Variants in LMBRD1 observed in about 807,000 individuals in gnomAD.
LMBRD1 encodes the protein LMBR1 domain containing 1, also known as lysosomal cobalamin transport escort protein LMBD1.
Under a neutral mutation model 74.8 loss-of-function variants are expected in LMBRD1, and 64 were observed. That is an observed-to-expected ratio of 0.86 (90% CI 0.70 to 1.05). The LOEUF (loss-of-function observed/expected upper bound fraction) is 1.05. LMBRD1 is among the 50% of genes least tolerant of loss of function. LMBRD1 has a pLI of 0.00. For synonymous variants in LMBRD1, 204 were observed against 216.3 expected, an observed-to-expected ratio of 0.94 and a Z score of 0.50; for missense variants, 652 against 645.9, an observed-to-expected ratio of 1.01 and a Z score of -0.10.
chr6:69,747,431 C>G (rs75919065), intron 5 of LMBRD1, among the ~76,000 whole-genome samples: 1 of 152,170 alleles, frequency 6.6e-6, no homozygotes, highest in African/African-American at 2.4e-5. Flanking sequence ...TTTAAGCCAC[C>G]CAGTCTATGA....
intron 15 of LMBRD1, 25 bp from the exon 16 acceptor site, chr6:69,676,296 T>C: frequency 6.2e-7 from 1 of 1,607,236 alleles, no homozygotes; most frequent in South Asian, 1.1e-5. Flanking sequence ...AAGCCATGTG[T>C]TATTTTTCAA....
At chr6:69,691,794 T>C (rs887838646) in intron 14 of LMBRD1, among the ~76,000 whole-genome samples, 1 of 144,434 alleles carries the variant, frequency 6.9e-6, no homozygotes. Context: ...GAGAATGGCA[T>C]GAACCCGGGA....
At chr6:69,719,426 C>T (rs1271232997) in intron 7 of LMBRD1, among the ~76,000 whole-genome samples, 1 of 151,880 alleles carries the variant, frequency 6.6e-6, no homozygotes, top group Non-Finnish European at 1.5e-5. Flanking sequence ...AAATGATTTT[C>T]TATAAAAAAC....
In LMBRD1 at chr6:69,765,977, G is replaced by A. The variant is rs572551596; in HGVS notation, c.308-13621C>T. Reference sequence around the variant, plus strand: ...ATTCTGCTAACATTACTCACTGGTTGTATTTGTCCATATATAGGTTCCCTG... The same window carrying A: ...ATTCTGCTAACATTACTCACTGGTTATATTTGTCCATATATAGGTTCCCTG... On this transcript the variant is annotated intron_variant, in intron 3 of 15. Transcript: ENST00000649934. Among the ~76,000 whole-genome samples the A allele has an allele frequency of 4.6e-5, 7 of 151,952 alleles. No homozygotes were observed. The South Asian group carries it at 1.5e-3, about 32-fold the overall frequency.
At chr6:69,682,712 A>G (rs1340204578) in intron 14 of LMBRD1, among the ~76,000 whole-genome samples, 1 of 152,064 alleles carries the variant, frequency 6.6e-6, no homozygotes, top group Non-Finnish European at 1.5e-5. Context: ...TTTTGATAAA[A>G]TAAAAGTAGT....
chr6:69,741,477 C>A (rs1042729475), intron 6 of LMBRD1, among the ~76,000 whole-genome samples: 1 of 152,140 alleles, frequency 6.6e-6, no homozygotes, highest in Admixed American at 6.5e-5. Context: ...CCTCCACCTC[C>A]CAGGTTCAAC....
At chr6:69,740,168 C>T (rs946272161) in intron 6 of LMBRD1, among the ~76,000 whole-genome samples, 3 of 151,976 alleles carry the variant, frequency 2.0e-5, no homozygotes, top group Non-Finnish European at 4.4e-5. Flanking sequence ...AAATGCAATG[C>T]AAGGAGGTGG....
rs780476624 is a variant in LMBRD1, at chr6:69,713,685, C to T, written c.875G>A (p.Ser292Asn). ...RERHLEFIEN[S>N]WWTKFCGALR... Reference sequence around the variant, plus strand: ...AGCGCCACAAAATTTTGTCCACCAGCTGTTTTCAATGAATTCTAAATGCCT... The same window carrying T: ...AGCGCCACAAAATTTTGTCCACCAGTTGTTTTCAATGAATTCTAAATGCCT... Residue 292 changes from serine to asparagine, a missense_variant, in exon 9 of 16, where the codon AGC becomes AAC. Physicochemically the swap from Ser to Asn is conservative, Grantham distance 46. Around this residue, in one of 3 missense-constraint regions of LMBRD1, gnomAD observed 598 missense variants for 581.8 expected, o/e 1.03. Transcript: ENST00000649934. 4.3e-6 allele frequency: 7 copies of T among 1,613,676 alleles called. No individual in the cohort carries two copies. The highest frequency in any genetic ancestry group is 5.9e-6 in the Non-Finnish European group (7 of 1,179,702).
intron 3 of LMBRD1, among the ~76,000 whole-genome samples, chr6:69,779,882 C>A (rs1335758692): frequency 6.6e-6 from 1 of 152,112 alleles, no homozygotes; most frequent in African/African-American, 2.4e-5. Context: ...GAGAGGAAAA[C>A]GGTCCTTAGG....
chr6:69,791,198 T>C (rs890065300), intron 1 of LMBRD1, among the ~76,000 whole-genome samples: 1 of 152,352 alleles, frequency 6.6e-6, no homozygotes, highest in Middle Eastern at 3.4e-3. Flanking sequence ...TCGGAATCAC[T>C]TGGAGGAACT....
At chr6:69,744,951 T>C (rs1378382194) in intron 5 of LMBRD1, among the ~76,000 whole-genome samples, 1 of 152,030 alleles carries the variant, frequency 6.6e-6, no homozygotes, top group Non-Finnish European at 1.5e-5. Flanking sequence ...CAAGCCGTTC[T>C]CCTGCCTCAG....
rs376359817 is a variant in LMBRD1 at position 69,701,959 on chromosome 6, A to C, written c.916-6T>G. 1 of 1,552,112 alleles carries C rather than the reference A, an allele frequency of 6.4e-7. No homozygotes were observed. The highest frequency in any genetic ancestry group is 8.9e-7 in the Non-Finnish European group (1 of 1,124,672). On this transcript the variant is annotated splice_region_variant and splice_polypyrimidine_tract_variant and intron_variant, in intron 9 of 15. Coordinates refer to ENST00000649934, the MANE Select transcript of LMBRD1 (RefSeq NM_018368.4). The stretch of plus-strand genomic sequence containing the variant: ...AAAAATATTCCCCAGACGATCTAAA[A>C]GCAAAAATATATTCATTAAAATATA...
chr6:69,716,805 C>T (rs557815862), intron 8 of LMBRD1, among the ~76,000 whole-genome samples: 13 of 151,640 alleles, frequency 8.6e-5, no homozygotes, highest in African/African-American at 2.9e-4. Context: ...TGGGTACAAA[C>T]ATATACATAC....
chr6:69,714,168 A>C (rs972866272), intron 8 of LMBRD1, among the ~76,000 whole-genome samples: 2 of 151,970 alleles, frequency 1.3e-5, no homozygotes, highest in Non-Finnish European at 2.9e-5. Flanking sequence ...CACTTATTTC[A>C]ATATATTTGG....
chr6:69,795,232 A>T (rs1463032794), intron 1 of LMBRD1, among the ~76,000 whole-genome samples: 4 of 152,234 alleles, frequency 2.6e-5, no homozygotes, highest in Admixed American at 2.6e-4. Flanking sequence ...GACAACATTC[A>T]ATTCTGATTT....
chr6:69,763,210 A>C (rs1765407237), intron 3 of LMBRD1, among the ~76,000 whole-genome samples: 1 of 149,174 alleles, frequency 6.7e-6, no homozygotes, highest in African/African-American at 2.5e-5. Context: ...ATTCCTCCTG[A>C]CTGCTTAGAA....
chr6:69,699,376 A>G (rs1376054614), intron 12 of LMBRD1, among the ~76,000 whole-genome samples, 184 bp from the exon 13 acceptor site: 1 of 151,880 alleles, frequency 6.6e-6, no homozygotes, highest in African/African-American at 2.4e-5. Context: ...GTCTATTTCC[A>G]GAGAAATCTT....
intron 3 of LMBRD1, among the ~76,000 whole-genome samples, chr6:69,755,055 T>C (rs1227998008): frequency 6.6e-6 from 1 of 152,184 alleles, no homozygotes; most frequent in African/African-American, 2.4e-5. Context: ...AGAAATACCA[T>C]TTGACCCAGC....
intron 7 of LMBRD1, among the ~76,000 whole-genome samples, chr6:69,735,069 G>T (rs1215742730): frequency 6.6e-6 from 1 of 152,226 alleles, no homozygotes; most frequent in African/African-American, 2.4e-5. Flanking sequence ...GCACTTGTAT[G>T]TAGTATACTT....
Sources: gnomAD v4.1 joint callset for allele counts (sites outside exome capture counted in the v4.1 genomes callset) on GRCh38, gnomAD v4.1.1 for gene constraint, gnomAD v4.1.1 regional missense constraint, MANE v1.5 for transcripts, NCBI Gene and HGNC (gene_info 2026-07-23, HGNC 2026-07-21) for gene names.